The following ITCH variants were observed in gnomAD, a reference collection of about 807,000 sequenced individuals.
ITCH encodes the protein itchy E3 ubiquitin protein ligase, also known as E3 ubiquitin-protein ligase Itchy homolog.
Under a neutral mutation model 126.8 loss-of-function variants are expected in ITCH, and 28 were observed. That is an observed-to-expected ratio of 0.22 (90% CI 0.16 to 0.30). The LOEUF (loss-of-function observed/expected upper bound fraction) is 0.30. ITCH is among the 10% of genes least tolerant of loss of function. ITCH has a pLI of 1.00. For synonymous variants in ITCH, 342 were observed against 340.0 expected, an observed-to-expected ratio of 1.01 and a Z score of -0.06; for missense variants, 631 against 1,032.4, an observed-to-expected ratio of 0.61 and a Z score of 5.33.
intron 14 of ITCH, among the ~76,000 whole-genome samples, chr20:34,469,443 C>A (rs1987410243): frequency 6.6e-6 from 1 of 152,154 alleles, no homozygotes; most frequent in Non-Finnish European, 1.5e-5. Context: ...CACCTGCCAC[C>A]ACACCCGGCT....
rs542153638 is a variant in ITCH at position 34,411,302 on chromosome 20, C to T, written c.213-1213C>T. On this transcript the variant is annotated intron_variant, in intron 4 of 24. Transcript: ENST00000374864. ...GAGTAGCTGGGATTACAGGCATGCA[C>T]CACCACTCTCAACTAATTTTTTTGT... 6.6e-5 allele frequency among the ~76,000 whole-genome samples: 10 copies of T among 152,110 alleles called. No individual in the cohort carries two copies. The East Asian group carries it at 7.7e-4, about 12-fold the overall frequency.
chr20:34,396,843 T>C (rs143122415), intron 3 of ITCH, among the ~76,000 whole-genome samples: 5 of 152,300 alleles, frequency 3.3e-5, no homozygotes, highest in African/African-American at 1.2e-4. Flanking sequence ...TCTGTCTTTA[T>C]TTCTTCCTCT....
At chr20:34,458,169 C>T (rs932328549) in intron 13 of ITCH, among the ~76,000 whole-genome samples, 31 of 152,110 alleles carry the variant, frequency 2.0e-4, no homozygotes, top group African/African-American at 6.8e-4. Context: ...TTAGTATCTT[C>T]TTCCATTATG....
intron 16 of ITCH, chr20:34,476,180 C>A: frequency 1.2e-6 from 1 of 802,054 alleles, no homozygotes; most frequent in Non-Finnish European, 2.3e-6. Flanking sequence ...CCATCAATAT[C>A]TGGATTATTT....
intron 13 of ITCH, among the ~76,000 whole-genome samples, chr20:34,458,801 G>A (rs1986255082): frequency 6.6e-6 from 1 of 152,194 alleles, no homozygotes; most frequent in Admixed American, 6.5e-5. Flanking sequence ...TATAGGATTA[G>A]TGGCCCACAG....
In ITCH at chr20:34,509,429, A is replaced by G. The variant is rs1042329951; in HGVS notation, c.*1635A>G. ...ACCCTGTTCCATATGGAAAAAAGAAAAACAATTTTTTGTCCCTAATGTTCT... is the reference window on the plus strand; with the variant it reads ...ACCCTGTTCCATATGGAAAAAAGAAGAACAATTTTTTGTCCCTAATGTTCT... On this transcript the variant is annotated 3_prime_UTR_variant, in exon 25 of 25. Coordinates refer to ENST00000374864, the MANE Select transcript of ITCH (RefSeq NM_031483.7). 1 of 152,620 alleles carries G rather than the reference A, an allele frequency of 6.6e-6. No homozygotes were observed. The highest frequency in any genetic ancestry group is 2.4e-5 in the African/African-American group (1 of 41,462). The allele number at this position is 152,620 out of a possible 1,614,324, so 9.5% of individuals were successfully genotyped here.
At chr20:34,466,829 A>G (rs1201014092) in intron 14 of ITCH, among the ~76,000 whole-genome samples, 1 of 152,198 alleles carries the variant, frequency 6.6e-6, no homozygotes, top group Non-Finnish European at 1.5e-5. Context: ...AAAGAAGTAG[A>G]TGAGAATATA....
rs1210710672 is a variant in ITCH at position 34,413,839 on chromosome 20, G to T, written c.435G>T (p.Glu145Asp). The T allele has an allele frequency of 6.2e-7, 1 of 1,613,696 alleles. No homozygotes were observed. The highest frequency in any genetic ancestry group is 1.3e-5 in the African/African-American group (1 of 74,898). The change falls in exon 6 of 25, where the codon GAG becomes GAT. Residue 145 changes from glutamate (E) to aspartate (D), a missense_variant. Coordinates refer to ENST00000374864, the MANE Select transcript of ITCH (RefSeq NM_031483.7). Reference sequence around the variant, plus strand: ...TTTGTCTTGATGGGCTACAGTTAGAGTCTGAAGTTGTTACCAATGGTGAAA... The same window carrying T: ...TTTGTCTTGATGGGCTACAGTTAGATTCTGAAGTTGTTACCAATGGTGAAA... The part of the protein sequence containing the change: ...LSICLDGLQL[E>D]SEVVTNGETT...
intron 7 of ITCH, among the ~76,000 whole-genome samples, chr20:34,425,843 G>A (rs1030763881): frequency 1.3e-5 from 2 of 152,194 alleles, no homozygotes; most frequent in Admixed American, 6.5e-5. Flanking sequence ...AGAGACCAGC[G>A]CTGGTGTGGG....
rs1978625207 is a variant in ITCH, at chr20:34,510,228, G to A, written c.*2434G>A. On this transcript the variant is annotated 3_prime_UTR_variant, in exon 25 of 25. Coordinates refer to ENST00000374864, the MANE Select transcript of ITCH (RefSeq NM_031483.7). ...CTGCTGTGTTAGGAAAATGGGGGCT[G>A]GATATCCCAAGAATCAGAGGTTATA... 6.6e-6 allele frequency: 1 copy of A among 152,468 alleles called. No individual in the cohort carries two copies. 9.4% of individuals were successfully genotyped at this position (152,468 alleles called of 1,614,324 possible).
intron 1 of ITCH, 122 bp downstream of exon 1, chr20:34,363,471 C>T (rs1279433511): frequency 1.3e-5 from 2 of 152,502 alleles, no homozygotes; most frequent in African/African-American, 4.8e-5. Context: ...AGAGCCGCGG[C>T]TGCTCCTTCT....
At chr20:34,382,329 A>C (rs2038094788) in intron 2 of ITCH, among the ~76,000 whole-genome samples, 1 of 152,202 alleles carries the variant, frequency 6.6e-6, no homozygotes, top group Admixed American at 6.6e-5. Flanking sequence ...CCTTTTAAGG[A>C]AAATGCATGA....
At chr20:34,482,585 C>T (rs1263069934) in intron 20 of ITCH, among the ~76,000 whole-genome samples, 2 of 152,198 alleles carry the variant, frequency 1.3e-5, no homozygotes, top group African/African-American at 4.8e-5. Context: ...AAGAGGTGGC[C>T]TCCCATGGCC....
chr20:34,372,105 G>A (rs1043233389), intron 2 of ITCH, among the ~76,000 whole-genome samples: 5 of 151,770 alleles, frequency 3.3e-5, no homozygotes, highest in African/African-American at 1.2e-4. Context: ...AGAAGATCGA[G>A]ACCATCCTGA....
intron 16 of ITCH, among the ~76,000 whole-genome samples, chr20:34,473,255 G>A (rs369656965): frequency 2.6e-5 from 4 of 152,358 alleles, no homozygotes; most frequent in African/African-American, 9.6e-5. Context: ...ATGGGGGAAA[G>A]TACAGGAGAA....
At chr20:34,472,609 A>G (rs900878587) in intron 16 of ITCH, among the ~76,000 whole-genome samples, 2 of 152,254 alleles carry the variant, frequency 1.3e-5, no homozygotes, top group Non-Finnish European at 2.9e-5. Flanking sequence ...TACAGCTTCA[A>G]GAAGTACGGA....
chr20:34,401,559 T>A, intron 3 of ITCH: 1 of 759,560 alleles, frequency 1.3e-6, no homozygotes, highest in Non-Finnish European at 1.6e-6. Context: ...GGCAACTAAC[T>A]TTCTAAAAGG....
At chr20:34,489,964 A>G in intron 22 of ITCH, 38 bp downstream of exon 22, 1 of 1,502,174 alleles carries the variant, frequency 6.7e-7, no homozygotes, top group Non-Finnish European at 9.3e-7. Context: ...TTGACACAGC[A>G]TAATTTTTTA....
intron 4 of ITCH, among the ~76,000 whole-genome samples, chr20:34,412,130 A>G (rs1177041949): frequency 1.3e-5 from 2 of 152,232 alleles, no homozygotes; most frequent in Non-Finnish European, 2.9e-5. Context: ...TTCCCATCTC[A>G]TAGGGTTACT....
Sources: allele counts gnomAD v4.1 joint callset (sites outside exome capture counted in the v4.1 genomes callset), GRCh38; gene constraint gnomAD v4.1.1; transcripts MANE v1.5; gene names NCBI Gene and HGNC (gene_info 2026-07-23, HGNC 2026-07-21).